The following PTPRT variants were observed in gnomAD, a reference collection of about 807,000 sequenced individuals.
The protein encoded by PTPRT is protein tyrosine phosphatase receptor type T.
PTPRT carries 56 observed loss-of-function variants against 176.8 expected under a neutral mutation model. That is an observed-to-expected ratio of 0.32 (90% CI 0.26 to 0.40). The LOEUF (loss-of-function observed/expected upper bound fraction) is 0.40. Among genes scored for constraint, PTPRT ranks in the 10% least tolerant of loss-of-function variants. The probability of loss-of-function intolerance (pLI) is 1.00; values close to 1 mark genes in which losing one functional copy is unlikely to be tolerated. For missense variants in PTPRT, 1,540 were observed against 1,908.2 expected (o/e 0.81, Z 3.60); for synonymous variants, 783 against 739.0 (o/e 1.06, Z -0.96).
chr20:42,623,577 A>G (rs1239289803), intron 7 of PTPRT, among the ~76,000 whole-genome samples: 2 of 152,212 alleles, frequency 1.3e-5, no homozygotes, highest in African/African-American at 4.8e-5. Flanking sequence ...TGCTTATTCC[A>G]TCTCCATGTG....
At chr20:42,346,161 C>T (rs2058191988) in intron 11 of PTPRT, among the ~76,000 whole-genome samples, 1 of 152,056 alleles carries the variant, frequency 6.6e-6, no homozygotes, top group Non-Finnish European at 1.5e-5. Context: ...TTCTGAAGTC[C>T]AGAGGACCAG....
intron 1 of PTPRT, among the ~76,000 whole-genome samples, chr20:43,136,593 A>G (rs1444112319): frequency 2.0e-5 from 3 of 152,138 alleles, no homozygotes; most frequent in East Asian, 3.9e-4. Flanking sequence ...ACACAGACCT[A>G]TCTACCCCCA....
chr20:42,582,765 A>G (rs1781022004), intron 7 of PTPRT, among the ~76,000 whole-genome samples: 1 of 152,158 alleles, frequency 6.6e-6, no homozygotes, highest in Admixed American at 6.6e-5. Flanking sequence ...AGCTCGCCCA[A>G]AAAACTGGAC....
At chr20:42,737,058 G>A (rs912469205) in intron 6 of PTPRT, among the ~76,000 whole-genome samples, 1 of 152,202 alleles carries the variant, frequency 6.6e-6, no homozygotes, top group Non-Finnish European at 1.5e-5. Context: ...GGATTCAATT[G>A]TGTCAACCAG....
At chr20:42,980,219 A>G (rs1983198404) in intron 1 of PTPRT, among the ~76,000 whole-genome samples, 1 of 152,202 alleles carries the variant, frequency 6.6e-6, no homozygotes, top group Non-Finnish European at 1.5e-5. Flanking sequence ...GGAGAAAAAG[A>G]AAAAAGAGAA....
chr20:42,808,618 A>C (rs2077648757), intron 2 of PTPRT, among the ~76,000 whole-genome samples: 1 of 152,028 alleles, frequency 6.6e-6, no homozygotes, highest in South Asian at 2.1e-4. Flanking sequence ...GGACGTAATA[A>C]AATATTCATT....
chr20:42,789,284 T>C (rs1411874292), intron 3 of PTPRT, among the ~76,000 whole-genome samples: 1 of 152,260 alleles, frequency 6.6e-6, no homozygotes, highest in Non-Finnish European at 1.5e-5. Context: ...AAGTAAAATG[T>C]ATTACTAAAA....
rs542347571 is a variant in PTPRT, at chr20:42,123,741, C to G, written c.2848-3770G>C. On this transcript the variant is annotated intron_variant, in intron 19 of 30. Coordinates refer to ENST00000373187, the MANE Select transcript of PTPRT (RefSeq NM_007050.6). ...TGCCTGCTATGTCTGCCCCCAGGTACCTGAGTGGCTTGCTCTCTCGCTCCA... is the reference window on the plus strand; with the variant it reads ...TGCCTGCTATGTCTGCCCCCAGGTAGCTGAGTGGCTTGCTCTCTCGCTCCA... Among the ~76,000 whole-genome samples the G allele has an allele frequency of 3.9e-5, 6 of 152,338 alleles. No homozygotes were observed. In the South Asian group the frequency reaches 6.2e-4, roughly 16 times the overall value.
At chr20:42,153,437 T>G (rs146277441) in intron 17 of PTPRT, among the ~76,000 whole-genome samples, 44 of 152,310 alleles carry the variant, frequency 2.9e-4, no homozygotes, top group African/African-American at 1.0e-3. Flanking sequence ...GACCAGGTTT[T>G]GACTCTTGGT....
intron 7 of PTPRT, among the ~76,000 whole-genome samples, chr20:42,607,036 T>C (rs144838672): frequency 7.9e-5 from 12 of 152,354 alleles, no homozygotes; most frequent in Non-Finnish European, 1.2e-4. Flanking sequence ...AGGAAATTCT[T>C]ACACATGCTA....
chr20:42,765,167 A>C (rs1227006881), intron 5 of PTPRT, among the ~76,000 whole-genome samples: 1 of 152,176 alleles, frequency 6.6e-6, no homozygotes, highest in African/African-American at 2.4e-5. Context: ...ACATGGCTTC[A>C]TTTCTGAGAC....
intron 1 of PTPRT, among the ~76,000 whole-genome samples, chr20:43,129,156 T>A (rs1469195635): frequency 3.3e-5 from 5 of 152,170 alleles, no homozygotes; most frequent in Non-Finnish European, 1.5e-5. Context: ...AGAGCCTGAC[T>A]CTGCCCAAGG....
At chr20:42,722,319 TC>T (rs944606415) in intron 6 of PTPRT, among the ~76,000 whole-genome samples, 1 of 152,112 alleles carries the variant, frequency 6.6e-6, no homozygotes, top group Non-Finnish European at 1.5e-5. Context: ...CACACCCACC[TC>T]CAATGCCCAC....
chr20:42,368,817 C>T (rs142184220), intron 9 of PTPRT, among the ~76,000 whole-genome samples: 2 of 152,284 alleles, frequency 1.3e-5, no homozygotes, highest in African/African-American at 4.8e-5. Flanking sequence ...TATAGAAACG[C>T]TCCCATGGAG....
intron 1 of PTPRT, among the ~76,000 whole-genome samples, chr20:43,102,252 C>G (rs766644281): frequency 4.0e-5 from 6 of 150,378 alleles, no homozygotes; most frequent in Non-Finnish European, 7.4e-5. Flanking sequence ...CTGGACATCT[C>G]TCTCTCTCTC....
At chr20:42,372,817 G>A (rs983616716) in intron 9 of PTPRT, among the ~76,000 whole-genome samples, 2 of 152,098 alleles carry the variant, frequency 1.3e-5, no homozygotes, top group African/African-American at 2.4e-5. Flanking sequence ...CATGAAGTTT[G>A]CCATCTACGA....
intron 9 of PTPRT, among the ~76,000 whole-genome samples, chr20:42,383,025 G>C (rs2058711441): frequency 6.6e-6 from 1 of 152,036 alleles, no homozygotes. Flanking sequence ...TAATATTCTG[G>C]GCCAAGTTAG....
chr20:42,575,146 C>T (rs1466825502), intron 7 of PTPRT, among the ~76,000 whole-genome samples: 1 of 152,114 alleles, frequency 6.6e-6, no homozygotes, highest in Non-Finnish European at 1.5e-5. Context: ...TCTGGAGTCC[C>T]AGATGGGGGT....
intron 2 of PTPRT, among the ~76,000 whole-genome samples, chr20:42,882,974 T>G (rs1044464100): frequency 6.6e-6 from 1 of 152,194 alleles, no homozygotes; most frequent in Non-Finnish European, 1.5e-5. Context: ...ATTCTGGCAA[T>G]TGGCAGAAGC....
Sources: gnomAD v4.1 joint callset for allele counts (sites outside exome capture counted in the v4.1 genomes callset) on GRCh38, gnomAD v4.1.1 for gene constraint, MANE v1.5 for transcripts, NCBI Gene and HGNC (gene_info 2026-07-23, HGNC 2026-07-21) for gene names.